ING4: variants seen among roughly 807,000 people sequenced by gnomAD.
ING4 encodes inhibitor of growth protein 4.
Under a neutral mutation model 33.1 loss-of-function variants are expected in ING4, and 28 were observed. The ratio of observed to expected loss-of-function variants is 0.85; its 90% confidence interval spans 0.63 to 1.16. The LOEUF (loss-of-function observed/expected upper bound fraction) is 1.16. ING4 is among the 50% of genes most tolerant of loss of function. The pLI, the probability that ING4 is intolerant of heterozygous loss-of-function variation, is 0.00. For synonymous variants in ING4, 87 were observed against 104.4 expected, an observed-to-expected ratio of 0.83 and a Z score of 1.02; for missense variants, 247 against 314.7, an observed-to-expected ratio of 0.78 and a Z score of 1.63.
At chr12:6,660,406 T>C (rs1276304303) in intron 1 of ING4, among the ~76,000 whole-genome samples, 1 of 152,064 alleles carries the variant, frequency 6.6e-6, no homozygotes, top group Non-Finnish European at 1.5e-5. Context: ...GTTGGGAGTT[T>C]GAGACCAGCC....
intron 2 of ING4, 164 bp downstream of exon 2, chr12:6,656,563 G>A: frequency 3.5e-6 from 2 of 578,146 alleles, no homozygotes; most frequent in South Asian, 4.4e-5. Context: ...AGCTGACACA[G>A]AAATGAGGAT....
Position 6,652,937 on chromosome 12 carries a change from C to G in ING4, c.390G>C (p.Lys130Asn), listed in dbSNP as rs1206709803. ...DYDSSSSKGK[K>N]SRTQKEKKAA... ...CTCACAGCCCCGCCCCCTCCTCACT[C>G]TTTTTGCCTTTGCTGGAAGAGCTGT... Residue 130 changes from lysine to asparagine, a missense_variant and splice_region_variant, in exon 4 of 8, where the codon AAG (lysine) becomes AAC (asparagine). This residue lies in a region of ING4 where 198 missense variants were observed against 221.2 expected (regional missense o/e 0.89). Transcript: ENST00000341550. 5 of 1,613,104 alleles carry G rather than the reference C, an allele frequency of 3.1e-6. No homozygotes were observed. The highest frequency in any genetic ancestry group is 4.2e-6 in the Non-Finnish European group (5 of 1,179,284).
chr12:6,662,064 A>C (rs1949571776), intron 1 of ING4, among the ~76,000 whole-genome samples: 1 of 152,182 alleles, frequency 6.6e-6, no homozygotes, highest in Non-Finnish European at 1.5e-5. Flanking sequence ...TTAGATTCAT[A>C]AATATCAAAT....
chr12:6,657,395 G>A (rs1247196106), intron 1 of ING4, among the ~76,000 whole-genome samples: 1 of 152,026 alleles, frequency 6.6e-6, no homozygotes, highest in Non-Finnish European at 1.5e-5. Context: ...TTTGCAGTGA[G>A]CCGAGATCGC....
At position 6,653,199 on chromosome 12, in the gene ING4, A is replaced by G. The variant is rs777760797; in HGVS notation, c.276+31T>C. 2.5e-6 allele frequency: 4 copies of G among 1,612,172 alleles called. No individual in the cohort carries two copies. The African/African-American group carries it at 4.0e-5, about 16-fold the overall frequency. On this transcript the variant is annotated intron_variant, in intron 3 of 7. Coordinates refer to ENST00000341550, the MANE Select transcript of ING4 (RefSeq NM_016162.4). Reference sequence around the variant, plus strand: ...CTAAGACCCTGAGGATTAGATGGGAAGTAGGTGGGGAGCCATGAACAGGGC... The same window carrying G: ...CTAAGACCCTGAGGATTAGATGGGAGGTAGGTGGGGAGCCATGAACAGGGC...
At chr12:6,662,320 C>T (rs1409475679) in intron 1 of ING4, among the ~76,000 whole-genome samples, 1 of 152,138 alleles carries the variant, frequency 6.6e-6, no homozygotes, top group Non-Finnish European at 1.5e-5. Context: ...CATTATCTCA[C>T]TTGTCACAGT....
At chr12:6,658,630 G>A (rs1028017549) in intron 1 of ING4, among the ~76,000 whole-genome samples, 1 of 152,216 alleles carries the variant, frequency 6.6e-6, no homozygotes, top group South Asian at 2.1e-4. Context: ...ACATTTCAGT[G>A]AGCCGAGATC....
At position 6,653,294 on chromosome 12, in the gene ING4, G is replaced by C. The variant is rs1415539671; in HGVS notation, c.212C>G (p.Ala71Gly). Residue 71 changes from alanine to glycine, a missense_variant, in exon 3 of 8, where the codon GCC becomes GGC. Physicochemically the swap from Ala to Gly is moderately conservative, Grantham distance 60. Around this residue, in one of 3 missense-constraint regions of ING4, gnomAD observed 198 missense variants for 221.2 expected, o/e 0.89. Coordinates refer to ENST00000341550, the MANE Select transcript of ING4 (RefSeq NM_016162.4). ...ACCAAATTCCTTGCACTTGCCATAG[G>C]CTTCCTGGATCTGTTTGAGAAGGGC... ...KLALLKQIQE[A>G]YGKCKEFGDD... 11 of 1,614,030 alleles carry C rather than the reference G, an allele frequency of 6.8e-6. No homozygotes were observed. The East Asian group carries it at 1.8e-4, about 26-fold the overall frequency.
chr12:6,652,241 C>T (rs369199001), intron 6 of ING4, 30 bp downstream of exon 6: 3 of 1,606,192 alleles, frequency 1.9e-6, no homozygotes, highest in South Asian at 1.1e-5. Context: ...CCCCTCACAA[C>T]CCCCCATCCT....
At chr12:6,660,400 G>T (rs1949511107) in intron 1 of ING4, among the ~76,000 whole-genome samples, 1 of 152,140 alleles carries the variant, frequency 6.6e-6, no homozygotes, top group Non-Finnish European at 1.5e-5. Flanking sequence ...CCTGAGGTTG[G>T]GAGTTTGAGA....
rs562016475 is a variant in ING4, at chr12:6,652,047, A to T, written c.645+224T>A. 9.9e-5 allele frequency among the ~76,000 whole-genome samples: 15 copies of T among 150,992 alleles called. No individual in the cohort carries two copies. The South Asian group carries it at 2.5e-3, about 25-fold the overall frequency. Reference sequence around the variant, plus strand: ...GCTAATTTTTGTATTTTTAGTAGAGAAGGGGTTACACTATGTTGGCCAGGC... The same window carrying T: ...GCTAATTTTTGTATTTTTAGTAGAGTAGGGGTTACACTATGTTGGCCAGGC... On this transcript the variant is annotated intron_variant, in intron 6 of 7. Transcript: ENST00000341550.
At chr12:6,656,906 C>A in intron 1 of ING4, 108 bp from the exon 2 acceptor site, 1 of 656,846 alleles carries the variant, frequency 1.5e-6, no homozygotes, top group Non-Finnish European at 2.5e-6. Flanking sequence ...GCAATCCCAG[C>A]ACTTTGGGAG....
At chr12:6,659,673 C>G (rs1015045691) in intron 1 of ING4, among the ~76,000 whole-genome samples, 1 of 151,686 alleles carries the variant, frequency 6.6e-6, no homozygotes, top group Non-Finnish European at 1.5e-5. Flanking sequence ...ATTAGCTGGC[C>G]GTGGTGGCGG....
In ING4 at chr12:6,652,838, C is replaced by G. The variant is rs932035556; in HGVS notation, c.392-71G>C. On this transcript the variant is annotated intron_variant, in intron 4 of 7. Coordinates refer to ENST00000341550, the MANE Select transcript of ING4 (RefSeq NM_016162.4). ...ATGGGTTAAGTCCTCTTCTCTCCCC[C>G]TTTCCAACCTGGTGCCAAACTTCCC... 11 of 1,567,928 alleles carry G rather than the reference C, an allele frequency of 7.0e-6. No homozygotes were observed. The South Asian group carries it at 8.9e-5, about 13-fold the overall frequency.
rs755730835 is a variant in ING4 at position 6,651,250 on chromosome 12, G to A, written c.708-16C>T. Reference sequence around the variant, plus strand: ...TGGGCAAAACCTGAAACAGAGAAGGGGAGAGAAAAGTGAGTGAAAGGGAGA... The same window carrying A: ...TGGGCAAAACCTGAAACAGAGAAGGAGAGAGAAAAGTGAGTGAAAGGGAGA... On this transcript the variant is annotated splice_polypyrimidine_tract_variant and intron_variant, in intron 7 of 7. Transcript: ENST00000341550. 5.0e-6 allele frequency: 8 copies of A among 1,614,162 alleles called. No homozygotes were observed. Among genetic ancestry groups the A allele is most frequent in the Non-Finnish European group, 6.8e-6 (8 of 1,179,994 alleles).
Position 6,651,104 on chromosome 12 carries a change from T to G in ING4, c.*91A>C. On this transcript the variant is annotated 3_prime_UTR_variant, in exon 8 of 8. Coordinates refer to ENST00000341550, the MANE Select transcript of ING4 (RefSeq NM_016162.4). ...CAGCACTGTGCCATCCACTCCTCCC[T>G]GAACCCCTGGCCCCAGCACAGGCAT... The G allele has an allele frequency of 7.0e-7, 1 of 1,426,902 alleles. No homozygotes were observed. The highest frequency in any genetic ancestry group is 2.0e-4 in the Middle Eastern group (1 of 5,116). 88.4% of individuals were successfully genotyped at this position (1,426,902 alleles called of 1,614,324 possible).
chr12:6,651,110 C>A lies in ING4; in HGVS notation c.*85G>T. On this transcript the variant is annotated 3_prime_UTR_variant, in exon 8 of 8. Coordinates refer to ENST00000341550, the MANE Select transcript of ING4 (RefSeq NM_016162.4). Reference sequence around the variant, plus strand: ...TGTGCCATCCACTCCTCCCTGAACCCCTGGCCCCAGCACAGGCATTCCTCT... The same window carrying A: ...TGTGCCATCCACTCCTCCCTGAACCACTGGCCCCAGCACAGGCATTCCTCT... The A allele has an allele frequency of 1.4e-6, 2 of 1,473,496 alleles. No homozygotes were observed. The highest frequency in any genetic ancestry group is 9.5e-7 in the Non-Finnish European group (1 of 1,055,016). 91.3% of individuals were successfully genotyped at this position (1,473,496 alleles called of 1,614,324 possible). A position where few individuals can be genotyped will look rare whatever the true frequency, so the allele number is the denominator to read the frequency against.
chr12:6,650,390 T>C lies in ING4; in HGVS notation c.*805A>G, dbSNP rs1949144140. ...GATTTACAAAGTTTTGGAGACCCCC[T>C]GGTCTGAGGCCTACCCTCCAGCACC... On this transcript the variant is annotated 3_prime_UTR_variant, in exon 8 of 8. Transcript: ENST00000341550. The C allele has an allele frequency of 6.6e-6, 1 of 152,346 alleles. No individual in the cohort carries two copies. The highest frequency in any genetic ancestry group is 6.5e-5 in the Admixed American group (1 of 15,280). 9.4% of individuals were successfully genotyped at this position (152,346 alleles called of 1,614,324 possible). A position where few individuals can be genotyped will look rare whatever the true frequency, so the allele number is the denominator to read the frequency against.
intron 1 of ING4, among the ~76,000 whole-genome samples, chr12:6,658,454 G>T (rs1177101445): frequency 6.6e-6 from 1 of 152,128 alleles, no homozygotes; most frequent in Non-Finnish European, 1.5e-5. Flanking sequence ...GGGAGGCCCA[G>T]GTGGGCGCAT....
Sources: gnomAD v4.1 joint callset for allele counts (sites outside exome capture counted in the v4.1 genomes callset) on GRCh38, gnomAD v4.1.1 for gene constraint, gnomAD v4.1.1 regional missense constraint, MANE v1.5 for transcripts, NCBI Gene and HGNC (gene_info 2026-07-23, HGNC 2026-07-21) for gene names.